Variants in RCC1L observed in about 807,000 individuals in gnomAD.
The protein encoded by RCC1L is RCC1-like G exchanging factor-like protein.
A neutral mutation model predicts 58.6 loss-of-function variants in RCC1L; 46 were observed. That is an observed-to-expected ratio of 0.79 (90% confidence interval 0.62 to 1.00). RCC1L has a LOEUF of 1.00. Ranked by LOEUF, RCC1L falls within the 50% of genes least tolerant of loss-of-function variation. RCC1L has a pLI of 0.00. For missense variants in RCC1L, 636 were observed against 623.6 expected, an observed-to-expected ratio of 1.02 and a Z score of -0.21; for synonymous variants, 281 against 262.9, an observed-to-expected ratio of 1.07 and a Z score of -0.67.
chr7:75,066,402 C>T (rs587756983), intron 3 of RCC1L, among the ~76,000 whole-genome samples: 119 of 151,876 alleles, frequency 7.8e-4, no homozygotes, highest in African/African-American at 2.8e-3. Context: ...TGCAGTGAGC[C>T]GAGATTACAC....
chr7:75,067,392 G>A (rs1806536955), intron 2 of RCC1L, among the ~76,000 whole-genome samples: 1 of 152,124 alleles, frequency 6.6e-6, no homozygotes, highest in African/African-American at 2.4e-5. Flanking sequence ...GCTTTGGGAG[G>A]CCAAGGCAGG....
At chr7:75,072,161 C>CATACAT (rs1554446238) in intron 1 of RCC1L, among the ~76,000 whole-genome samples, 1 of 46,366 alleles carries the variant, frequency 2.2e-5, no homozygotes, top group African/African-American at 5.8e-5. Flanking sequence ...TATACATATA[C>CATACAT]ATATATATAT....
intron 2 of RCC1L, among the ~76,000 whole-genome samples, chr7:75,067,365 A>G (rs587704808): frequency 6.6e-6 from 1 of 152,054 alleles, no homozygotes; most frequent in East Asian, 1.9e-4. Context: ...GCAGTGGCTC[A>G]TGCCTGTAAT....
In RCC1L at chr7:75,068,753, T is replaced by C. The variant is rs587694121; in HGVS notation, c.454+1887A>G. Among the ~76,000 whole-genome samples the C allele has an allele frequency of 4.6e-5, 7 of 152,194 alleles. No individual in the cohort carries two copies. The South Asian group carries it at 1.5e-3, about 32-fold the overall frequency. On this transcript the variant is annotated intron_variant, in intron 2 of 10. Transcript: ENST00000610322. ...AAGACAGAAAACAAAATATATGCTA[T>C]GTATGTAAAAATGTATTTGTCTGTG...
chr7:75,055,032 G>A (rs1389630087), intron 9 of RCC1L, among the ~76,000 whole-genome samples: 1 of 152,212 alleles, frequency 6.6e-6, no homozygotes, highest in Non-Finnish European at 1.5e-5. Context: ...GAGCATCTGG[G>A]ACAGGCCCCA....
At position 75,066,661 on chromosome 7, in the gene RCC1L, C is replaced by T; in HGVS notation, c.583+3G>A. ...TCCATCACCCTTCAATAGGTCAACT[C>T]ACCTCCTTCCCTGTCAGTCAACACA... On this transcript the variant is annotated splice_donor_region_variant and intron_variant, in intron 3 of 10. Transcript: ENST00000610322. 1 of 1,611,362 alleles carries T rather than the reference C, an allele frequency of 6.2e-7. No homozygotes were observed. The highest frequency in any genetic ancestry group is 8.5e-7 in the Non-Finnish European group (1 of 1,178,726).
At chr7:75,065,736 G>T (rs1003805383) in intron 3 of RCC1L, among the ~76,000 whole-genome samples, 6 of 152,076 alleles carry the variant, frequency 3.9e-5, no homozygotes, top group African/African-American at 1.4e-4. Context: ...AGCCACTTCC[G>T]GCCGGGCATA....
intron 6 of RCC1L, 82 bp downstream of exon 6, chr7:75,061,125 C>G: frequency 9.2e-7 from 1 of 1,092,818 alleles, no homozygotes. Context: ...AGGGTTCTAG[C>G]CCATAAATGC....
At chr7:75,034,988 A>G (rs1805405770) in intron 10 of RCC1L, among the ~76,000 whole-genome samples, 1 of 151,986 alleles carries the variant, frequency 6.6e-6, no homozygotes, top group Non-Finnish European at 1.5e-5. Context: ...ATAAGCTCTG[A>G]TGACTACTGG....
chr7:75,067,619 C>T (rs1422691246), intron 2 of RCC1L, among the ~76,000 whole-genome samples: 2 of 150,828 alleles, frequency 1.3e-5, no homozygotes, highest in African/African-American at 4.9e-5. Context: ...GGAGACAGAG[C>T]GAGACACTGT....
At position 75,042,739 on chromosome 7, in the gene RCC1L, A is replaced by C; in HGVS notation, c.*293T>G. 1 of 1,349,922 alleles carries C rather than the reference A, an allele frequency of 7.4e-7. No individual in the cohort carries two copies. The highest frequency in any genetic ancestry group is 9.6e-7 in the Non-Finnish European group (1 of 1,042,966). 83.6% of individuals were successfully genotyped at this position (1,349,922 alleles called of 1,614,324 possible). A position where few individuals can be genotyped will look rare whatever the true frequency, so the allele number is the denominator to read the frequency against. On this transcript the variant is annotated 3_prime_UTR_variant, in exon 11 of 11. Transcript: ENST00000610322. ...ACGGGCTTCTCAGGCGAGACGTGAC[A>C]CCAGACACCGTCGCATGTTACTTGG...
At chr7:75,069,263 GC>G (rs1289547369) in intron 2 of RCC1L, among the ~76,000 whole-genome samples, 1 of 152,010 alleles carries the variant, frequency 6.6e-6, no homozygotes. Context: ...CGCAATCACC[GC>G]TCACTGCAGC....
At chr7:75,066,196 A>G (rs1806474344) in intron 3 of RCC1L, among the ~76,000 whole-genome samples, 2 of 152,090 alleles carry the variant, frequency 1.3e-5, no homozygotes, top group South Asian at 4.1e-4. Context: ...TCACGCCTGT[A>G]ATCCCAGCAC....
In RCC1L at chr7:75,073,764, T is replaced by G; in HGVS notation, c.-27A>C. ...CTCCGTTCCGCGCCTCAGCAGCCTCTGGGCGCCGCCATCTTGCGTGACCCT... is the reference window on the plus strand; with the variant it reads ...CTCCGTTCCGCGCCTCAGCAGCCTCGGGGCGCCGCCATCTTGCGTGACCCT... On this transcript the variant is annotated 5_prime_UTR_variant, in exon 1 of 11. Transcript: ENST00000610322. 6.7e-7 allele frequency: 1 copy of G among 1,493,946 alleles called. No homozygotes were observed. The highest frequency in any genetic ancestry group is 8.9e-7 in the Non-Finnish European group (1 of 1,129,692). 92.5% of individuals were successfully genotyped at this position (1,493,946 alleles called of 1,614,324 possible). A position where few individuals can be genotyped will look rare whatever the true frequency, so the allele number is the denominator to read the frequency against.
Position 75,052,699 on chromosome 7 carries a change from G to C in RCC1L, c.1317+12C>G. On this transcript the variant is annotated intron_variant, in intron 10 of 10. Coordinates refer to ENST00000610322, the MANE Select transcript of RCC1L (RefSeq NM_030798.5). ...TAGCATCCATTCTCAAGACCTCCCC[G>C]GCCAGCCTTACCCTCCATGGGAAAT... 1 of 1,606,294 alleles carries C rather than the reference G, an allele frequency of 6.2e-7. No individual in the cohort carries two copies. The highest frequency in any genetic ancestry group is 8.5e-7 in the Non-Finnish European group (1 of 1,176,614).
In RCC1L at chr7:75,070,732, A is replaced by G. The variant is rs1806696356; in HGVS notation, c.362T>C (p.Leu121Pro). 5.6e-6 allele frequency: 9 copies of G among 1,614,184 alleles called. No individual in the cohort carries two copies. The highest frequency in any genetic ancestry group is 1.3e-5 in the African/African-American group (1 of 75,062). ...CGTAACATCCGCAGTCTTAGAGGAC[A>G]GCAGTGTGAATCCATAGCCGCAAGC... is the stretch of plus-strand genomic sequence containing the variant. The part of the protein sequence containing the change: ...SAACGYGFTL[L>P]SSKTADVTKV... The change falls in exon 2 of 11, where the codon CTG becomes CCG. Residue 121 changes from leucine (L) to proline (P), a missense_variant. Transcript: ENST00000610322.
chr7:75,041,754 C>T (rs1283799951), downstream of RCC1L, among the ~76,000 whole-genome samples: 4 of 151,108 alleles, frequency 2.6e-5, no homozygotes, highest in Non-Finnish European at 5.9e-5. Flanking sequence ...GTCGCAGCTA[C>T]TCGGGAGGCT....
chr7:75,038,126 G>A (rs1374705521), downstream of RCC1L, among the ~76,000 whole-genome samples: 3 of 152,220 alleles, frequency 2.0e-5, no homozygotes, highest in Non-Finnish European at 4.4e-5. Flanking sequence ...TGCCTGGGGC[G>A]GGGCTGGGCC....
chr7:75,052,850 C>A lies in RCC1L; in HGVS notation c.1232-54G>T, dbSNP rs1199462523. 19 of 1,529,686 alleles carry A rather than the reference C, an allele frequency of 1.2e-5. No homozygotes were observed. The African/African-American group carries it at 2.2e-4, about 18-fold the overall frequency. The allele number at this position is 1,529,686 out of a possible 1,614,324, so 94.8% of individuals were successfully genotyped here. A position where few individuals can be genotyped will look rare whatever the true frequency, so the allele number is the denominator to read the frequency against. On this transcript the variant is annotated intron_variant, in intron 9 of 10. Transcript: ENST00000610322. The stretch of plus-strand genomic sequence containing the variant: ...TGGGACTGTGTGAAGAACAAGTCTC[C>A]AAGGAGAGGATGGGTCATGAGAACA...
Sources: gnomAD v4.1 joint callset for allele counts (sites outside exome capture counted in the v4.1 genomes callset) on GRCh38, gnomAD v4.1.1 for gene constraint, MANE v1.5 for transcripts, NCBI Gene and HGNC (gene_info 2026-07-23, HGNC 2026-07-21) for gene names.